Variants in PTPN5 observed in about 807,000 individuals in gnomAD.
The protein encoded by PTPN5 is tyrosine-protein phosphatase non-receptor type 5.
A neutral mutation model predicts 73.9 loss-of-function variants in PTPN5; 29 were observed. The ratio of observed to expected loss-of-function variants is 0.39; its 90% CI spans 0.29 to 0.54. PTPN5 has a LOEUF of 0.54. Among genes scored for constraint, PTPN5 ranks in the 20% least tolerant of loss-of-function variants. PTPN5 has a pLI of 0.65. For missense variants in PTPN5, 652 were observed against 751.4 expected (o/e 0.87, Z 1.55); for synonymous variants, 267 against 304.7 (o/e 0.88, Z 1.29).
intron 3 of PTPN5, among the ~76,000 whole-genome samples, chr11:18,757,623 G>T (rs1021640676): frequency 6.6e-6 from 1 of 152,148 alleles, no homozygotes; most frequent in Admixed American, 6.5e-5. Flanking sequence ...GTGACTGTTT[G>T]CAGAAGGTGT....
chr11:18,786,124 C>T (rs925284047), intron 1 of PTPN5, among the ~76,000 whole-genome samples: 3 of 152,066 alleles, frequency 2.0e-5, no homozygotes, highest in Admixed American at 1.3e-4. Context: ...TGCCAGACAC[C>T]GGTGGCCATG....
At chr11:18,787,372 G>C (rs1029573613) in intron 1 of PTPN5, among the ~76,000 whole-genome samples, 2 of 152,136 alleles carry the variant, frequency 1.3e-5, no homozygotes, top group South Asian at 2.1e-4. Flanking sequence ...ACTGTGAAGG[G>C]CCAGGCTTGG....
chr11:18,764,233 CAG>C (rs772238113), intron 3 of PTPN5, among the ~76,000 whole-genome samples: 6 of 152,194 alleles, frequency 3.9e-5, no homozygotes, highest in Non-Finnish European at 7.3e-5. Context: ...CTTTTAGAGT[CAG>C]AGAGTTCTGC....
At chr11:18,731,211 AT>A (rs1341815750) in intron 12 of PTPN5, among the ~76,000 whole-genome samples, 4 of 148,118 alleles carry the variant, frequency 2.7e-5, no homozygotes, top group African/African-American at 7.4e-5. Flanking sequence ...TATATTTTAT[AT>A]ATAGGTATAA....
intron 1 of PTPN5, among the ~76,000 whole-genome samples, chr11:18,777,772 C>T (rs1204027426): frequency 6.6e-6 from 1 of 152,058 alleles, no homozygotes; most frequent in East Asian, 1.9e-4. Flanking sequence ...ACAGTGAGAT[C>T]CCATCTCACC....
At chr11:18,774,474 C>T (rs1851050769) in intron 1 of PTPN5, among the ~76,000 whole-genome samples, 1 of 152,202 alleles carries the variant, frequency 6.6e-6, no homozygotes, top group Non-Finnish European at 1.5e-5. Flanking sequence ...GTCCAAAGGT[C>T]CAGTATGAAC....
chr11:18,754,514 T>C (rs372707581), intron 3 of PTPN5, among the ~76,000 whole-genome samples: 158 of 152,202 alleles, frequency 1.0e-3, no homozygotes, highest in African/African-American at 3.7e-3. Context: ...CCCATTAAGA[T>C]CCCTAGGGTT....
At chr11:18,745,477 C>T (rs1269189266) in intron 3 of PTPN5, among the ~76,000 whole-genome samples, 5 of 152,130 alleles carry the variant, frequency 3.3e-5, no homozygotes, top group African/African-American at 9.7e-5. Context: ...CAGGTAAGCC[C>T]GCCCCCTATG....
rs1287060084 is a variant in PTPN5, at chr11:18,732,681, C to T, written c.1240G>A (p.Glu414Lys). 1.2e-6 allele frequency: 2 copies of T among 1,613,884 alleles called. No individual in the cohort carries two copies. Among genetic ancestry groups the T allele is most frequent in the Middle Eastern group, 1.6e-4 (1 of 6,062 alleles). The change falls in exon 12 of 15, where the codon GAG becomes AAG. Residue 414 changes from glutamate to lysine, a missense_variant. Around this residue, in one of 3 missense-constraint regions of PTPN5, gnomAD observed 529 missense variants for 573.9 expected, o/e 0.92. Coordinates refer to ENST00000358540, the MANE Select transcript of PTPN5 (RefSeq NM_006906.2). Reference protein sequence around the residue: ...MNEKCTEYWPEEQVAYDGVEI... With the variant: ...MNEKCTEYWPKEQVAYDGVEI... ...ACACCGTCGTACGCCACCTGCTCCT[C>T]CGGCCAATACTCGGTGCATTTCTGC...
chr11:18,786,619 A>T (rs968346569), intron 1 of PTPN5, among the ~76,000 whole-genome samples: 11 of 152,170 alleles, frequency 7.2e-5, no homozygotes, highest in Non-Finnish European at 1.5e-4. Context: ...TTTCCCCTTG[A>T]GATGACCTGA....
chr11:18,791,707 T>C lies in PTPN5; in HGVS notation c.-296A>G, dbSNP rs1851939958. On this transcript the variant is annotated 5_prime_UTR_variant, in exon 1 of 15. Coordinates refer to ENST00000358540, the MANE Select transcript of PTPN5 (RefSeq NM_006906.2). ...GGGCGTCCGTCCTTCGGTGCCTCCG[T>C]CCTTCGGTCCGTCCGCCTGGCGCTC... 6.6e-6 allele frequency: 1 copy of C among 152,212 alleles called. No individual in the cohort carries two copies. The highest frequency in any genetic ancestry group is 1.5e-5 in the Non-Finnish European group (1 of 68,104). The allele number at this position is 152,212 out of a possible 1,614,324, so 9.4% of individuals were successfully genotyped here. A position where few individuals can be genotyped will look rare whatever the true frequency, so the allele number is the denominator to read the frequency against.
At chr11:18,768,575 C>T (rs566548852) in intron 2 of PTPN5, among the ~76,000 whole-genome samples, 56 of 152,344 alleles carry the variant, frequency 3.7e-4, no homozygotes, top group Admixed American at 8.5e-4. Context: ...TCTCAGGCCC[C>T]AAGCTGTGTT....
chr11:18,741,962 T>A (rs1049797788), intron 7 of PTPN5, among the ~76,000 whole-genome samples: 1 of 152,198 alleles, frequency 6.6e-6, no homozygotes, highest in Non-Finnish European at 1.5e-5. Flanking sequence ...AACATAAGCA[T>A]GTTAAAGGCC....
chr11:18,731,365 A>G (rs1403649352), intron 12 of PTPN5, among the ~76,000 whole-genome samples: 2 of 152,058 alleles, frequency 1.3e-5, no homozygotes, highest in South Asian at 2.1e-4. Context: ...ATGCTTCTCA[A>G]GGAAAGAGTC....
intron 3 of PTPN5, among the ~76,000 whole-genome samples, chr11:18,761,242 C>T (rs1006134701): frequency 4.6e-5 from 7 of 151,880 alleles, no homozygotes; most frequent in African/African-American, 1.7e-4. Flanking sequence ...CATGTGCTGG[C>T]CCCCACTGGC....
At chr11:18,766,573 T>C (rs1168062808) in intron 2 of PTPN5, among the ~76,000 whole-genome samples, 2 of 152,210 alleles carry the variant, frequency 1.3e-5, no homozygotes, top group Non-Finnish European at 2.9e-5. Flanking sequence ...GAGAACCCTC[T>C]TTCTAGCCTA....
At chr11:18,755,754 C>T (rs1225421966) in intron 3 of PTPN5, among the ~76,000 whole-genome samples, 5 of 151,970 alleles carry the variant, frequency 3.3e-5, no homozygotes, top group African/African-American at 1.2e-4. Context: ...TCCCGTAATC[C>T]CAGCACTTTG....
At chr11:18,747,352 T>C (rs1849689220) in intron 3 of PTPN5, among the ~76,000 whole-genome samples, 1 of 151,940 alleles carries the variant, frequency 6.6e-6, no homozygotes, top group Non-Finnish European at 1.5e-5. Context: ...GGTTTCACCA[T>C]GTTGGCCAGG....
rs150069901 is a variant in PTPN5, at chr11:18,779,091, C to A, written c.-113-7020G>T. Among the ~76,000 whole-genome samples the A allele has an allele frequency of 1.6e-3, 240 of 152,270 alleles. 1 individual carries two copies. Among genetic ancestry groups the A allele is most frequent in the African/African-American group, 5.5e-3 (230 of 41,546 alleles). ...CAGAGGGGAAAGCTGAAGTTCAGAGCTCAGTTTGCTCCCACCTGCAACTAG... is the reference window on the plus strand; with the variant it reads ...CAGAGGGGAAAGCTGAAGTTCAGAGATCAGTTTGCTCCCACCTGCAACTAG... On this transcript the variant is annotated intron_variant, in intron 1 of 14. Transcript: ENST00000358540.
Sources: allele counts gnomAD v4.1 joint callset (sites outside exome capture counted in the v4.1 genomes callset), GRCh38; gene constraint gnomAD v4.1.1; regional missense constraint gnomAD v4.1.1; transcripts MANE v1.5; gene names NCBI Gene and HGNC (gene_info 2026-07-23, HGNC 2026-07-21).